The following SMCHD1 variants were observed in gnomAD, a reference collection of about 807,000 sequenced individuals.
SMCHD1 encodes structural maintenance of chromosomes flexible hinge domain-containing protein 1.
SMCHD1 carries 78 observed loss-of-function variants against 254.7 expected under a neutral mutation model. The ratio of observed to expected loss-of-function variants is 0.31; its 90% CI spans 0.26 to 0.37. The LOEUF (loss-of-function observed/expected upper bound fraction) is 0.37. Ranked by LOEUF, SMCHD1 falls within the 10% of genes least tolerant of loss-of-function variation. SMCHD1 has a pLI of 1.00. For missense variants in SMCHD1, 1,840 were observed against 2,408.1 expected (o/e 0.76, Z 4.94); for synonymous variants, 766 against 794.9 (o/e 0.96, Z 0.61).
chr18:2,726,480 G>C lies in SMCHD1; in HGVS notation c.2729G>C (p.Gly910Ala). 1 of 1,506,222 alleles carries C rather than the reference G, an allele frequency of 6.6e-7. No homozygotes were observed. The allele number at this position is 1,506,222 out of a possible 1,614,324, so 93.3% of individuals were successfully genotyped here. Residue 910 changes from glycine to alanine, a missense_variant, in exon 22 of 48, where the codon GGC (glycine) becomes GCC (alanine). Physicochemically the swap from Gly to Ala is moderately conservative, Grantham distance 60 (BLOSUM62 0). Transcript: ENST00000320876. ...TATAATCTGAAGGTTACTCTGCCTGGCTTAAAAGAAGACTCACAGATTTTG... is the reference window on the plus strand; with the variant it reads ...TATAATCTGAAGGTTACTCTGCCTGCCTTAAAAGAAGACTCACAGATTTTG... ...KNYNLKVTLP[G>A]LKEDSQILKI...
intron 1 of SMCHD1, among the ~76,000 whole-genome samples, chr18:2,658,670 T>G (rs937948015): frequency 2.6e-5 from 4 of 152,132 alleles, no homozygotes; most frequent in African/African-American, 9.7e-5. Flanking sequence ...AGATTGTGCC[T>G]CGGATCCCAT....
Position 2,718,494 on chromosome 18 carries a change from G to T in SMCHD1, c.2458+60G>T. 7.2e-7 allele frequency: 1 copy of T among 1,389,278 alleles called. No homozygotes were observed. Among genetic ancestry groups the T allele is most frequent in the Non-Finnish European group, 9.8e-7 (1 of 1,016,096 alleles). The allele number at this position is 1,389,278 out of a possible 1,614,324, so 86.1% of individuals were successfully genotyped here. ...AAAGGTGGCATTTTAAATCCAAAGA[G>T]AAAAGAGAGATAAGCCATTAAAAGA... is the stretch of plus-strand genomic sequence containing the variant. On this transcript the variant is annotated intron_variant, in intron 19 of 47. Transcript: ENST00000320876. This position sits in a 1 kb window ranked among gnomAD's most constrained non-coding sequence, Gnocchi z 4.6.
intron 34 of SMCHD1, among the ~76,000 whole-genome samples, chr18:2,755,860 C>T (rs2075669355): frequency 6.6e-6 from 1 of 152,110 alleles, no homozygotes; most frequent in Non-Finnish European, 1.5e-5. Context: ...AATCACCGCC[C>T]TCGGCCGTGT....
At position 2,771,616 on chromosome 18, in the gene SMCHD1, C is replaced by T; in HGVS notation, c.5050C>T (p.Gln1684Ter). The T allele has an allele frequency of 1.3e-6, 2 of 1,548,948 alleles. No individual in the cohort carries two copies. Among genetic ancestry groups the T allele is most frequent in the Non-Finnish European group, 8.6e-7 (1 of 1,159,086 alleles). ...IHNIDIPTTQ[Q>*]VPHIEALLKR... ...TAATATTGACATTCCTACAACACAA[C>T]AGGTACAGCTTCCAACTATACGTGA... Residue 1684 changes from glutamine (Q) to a stop codon, truncating the protein, a stop_gained and splice_region_variant, in exon 40 of 48, where the codon CAG becomes TAG. Coordinates refer to ENST00000320876, the MANE Select transcript of SMCHD1 (RefSeq NM_015295.3). LOFTEE classifies it high-confidence loss of function.
chr18:2,799,223 A>G (rs546670871), intron 47 of SMCHD1, among the ~76,000 whole-genome samples: 3 of 152,340 alleles, frequency 2.0e-5, no homozygotes, highest in Admixed American at 6.5e-5. Context: ...TTCTACATGT[A>G]AACAACGTTA....
chr18:2,790,138 C>T (rs958468239), intron 45 of SMCHD1, among the ~76,000 whole-genome samples: 2 of 152,124 alleles, frequency 1.3e-5, no homozygotes, highest in Non-Finnish European at 2.9e-5. Context: ...GCCGACATCG[C>T]GCCACTGCAC....
In SMCHD1 at chr18:2,714,854, C is replaced by A. The variant is rs78600073; in HGVS notation, c.2261-3304C>A. On this transcript the variant is annotated intron_variant, in intron 17 of 47. Coordinates refer to ENST00000320876, the MANE Select transcript of SMCHD1 (RefSeq NM_015295.3). Reference sequence around the variant, plus strand: ...TTTGTGGTTGACAGTCCCCCCTGCCCCCTACCCCCAGCACTTTGAAAACAG... The same window carrying A: ...TTTGTGGTTGACAGTCCCCCCTGCCACCTACCCCCAGCACTTTGAAAACAG... Among the ~76,000 whole-genome samples, 640 of 152,156 alleles carry A rather than the reference C, an allele frequency of 4.2e-3. 4 individuals carry two copies. Among genetic ancestry groups the A allele is most frequent in the African/African-American group, 0.015 (617 of 41,516 alleles).
chr18:2,797,402 A>G (rs2143866081), intron 47 of SMCHD1, among the ~76,000 whole-genome samples: 1 of 152,326 alleles, frequency 6.6e-6, no homozygotes, highest in East Asian at 1.9e-4. Flanking sequence ...TGTAGACTCT[A>G]CCTGAATATG....
intron 28 of SMCHD1, among the ~76,000 whole-genome samples, chr18:2,741,104 G>C (rs544922678): frequency 1.2e-4 from 18 of 152,218 alleles, no homozygotes; most frequent in African/African-American, 4.3e-4. Flanking sequence ...CATAAAGATT[G>C]TGGTATATAG....
intron 45 of SMCHD1, among the ~76,000 whole-genome samples, chr18:2,793,489 C>G (rs910497643): frequency 3.3e-5 from 5 of 151,764 alleles, no homozygotes; most frequent in Non-Finnish European, 7.4e-5. Context: ...CAGTGAAACC[C>G]TGTCTCTACT....
At chr18:2,705,265 G>A (rs1442819858) in intron 13 of SMCHD1, among the ~76,000 whole-genome samples, 1 of 152,242 alleles carries the variant, frequency 6.6e-6, no homozygotes, top group East Asian at 1.9e-4. Context: ...TTTAAACCAA[G>A]TAAGGAGAAG....
In SMCHD1 at chr18:2,739,104, A is replaced by G. The variant is rs867809982; in HGVS notation, c.3426-328A>G. Among the ~76,000 whole-genome samples the G allele has an allele frequency of 2.6e-5, 4 of 152,342 alleles. 1 individual carries two copies. The Middle Eastern group carries it at 0.01, about 389-fold the overall frequency. ...TTTTTGAGATAGAATTTTCAAATGT[A>G]CTGCATTCTGACCGTAATGAGATCT... On this transcript the variant is annotated intron_variant, in intron 26 of 47. Transcript: ENST00000320876.
At chr18:2,774,750 G>A (rs571470251) in intron 41 of SMCHD1, among the ~76,000 whole-genome samples, 1 of 152,290 alleles carries the variant, frequency 6.6e-6, no homozygotes, top group South Asian at 2.1e-4. Context: ...CTTATTGCTA[G>A]AGTAGGTTTG....
At chr18:2,791,963 C>T (rs2076174488) in intron 45 of SMCHD1, among the ~76,000 whole-genome samples, 1 of 152,166 alleles carries the variant, frequency 6.6e-6, no homozygotes, top group African/African-American at 2.4e-5. Context: ...GTAGTCAGAA[C>T]TCTTAGTTTA....
intron 29 of SMCHD1, among the ~76,000 whole-genome samples, chr18:2,744,641 A>G (rs115955601): frequency 9.7e-4 from 148 of 152,328 alleles, no homozygotes; most frequent in African/African-American, 3.2e-3. Flanking sequence ...CGGAAAGGAC[A>G]TGCAATAGAT....
intron 7 of SMCHD1, among the ~76,000 whole-genome samples, chr18:2,689,048 C>T (rs2074113469): frequency 6.6e-6 from 1 of 151,896 alleles, no homozygotes; most frequent in South Asian, 2.1e-4. Context: ...AATGGACTTT[C>T]AGGAAATTGG....
chr18:2,747,410 A>T, intron 29 of SMCHD1, 112 bp from the exon 30 acceptor site: 2 of 913,088 alleles, frequency 2.2e-6, no homozygotes, highest in Non-Finnish European at 3.1e-6. Context: ...CAAAGAAGCC[A>T]TTTGCAAATA....
chr18:2,738,596 C>T (rs1408901309), intron 26 of SMCHD1, 51 bp downstream of exon 26: 10 of 1,439,952 alleles, frequency 6.9e-6, no homozygotes, highest in Non-Finnish European at 9.3e-6. Flanking sequence ...ATACTGTCCT[C>T]CATTGCACAT....
chr18:2,692,102 G>A (rs1046700241), intron 7 of SMCHD1, among the ~76,000 whole-genome samples: 2 of 152,050 alleles, frequency 1.3e-5, no homozygotes, highest in Non-Finnish European at 2.9e-5. Context: ...GTATTTTTTT[G>A]CCTTCCAACC....
Sources: gnomAD v4.1 joint callset for allele counts (sites outside exome capture counted in the v4.1 genomes callset) on GRCh38, gnomAD v4.1.1 for gene constraint, Gnocchi (gnomAD v3.1) non-coding constraint, MANE v1.5 for transcripts, NCBI Gene and HGNC (gene_info 2026-07-23, HGNC 2026-07-21) for gene names.